The following MYO7A variants were observed in gnomAD, a reference collection of about 807,000 sequenced individuals.
The protein encoded by MYO7A is myosin VIIA.
A neutral mutation model predicts 263.8 loss-of-function variants in MYO7A; 210 were observed. That is an observed-to-expected ratio of 0.80 (90% CI 0.71 to 0.89). MYO7A has a LOEUF of 0.89. MYO7A is among the 40% of genes least tolerant of loss of function. MYO7A has a pLI of 0.00. For synonymous variants in MYO7A, 1,239 were observed against 1,197.3 expected, an observed-to-expected ratio of 1.03 and a Z score of -0.72; for missense variants, 2,820 against 2,968.3, an observed-to-expected ratio of 0.95 and a Z score of 1.16.
At chr11:77,157,755 G>A (rs1952632718) in intron 8 of MYO7A, among the ~76,000 whole-genome samples, 1 of 152,176 alleles carries the variant, frequency 6.6e-6, no homozygotes, top group Non-Finnish European at 1.5e-5. Flanking sequence ...TTGTAGGTGT[G>A]ACAGGTGTCC....
chr11:77,209,220 G>A (rs889451660), intron 44 of MYO7A: 1 of 177,366 alleles, frequency 5.6e-6, no homozygotes, highest in Non-Finnish European at 1.2e-5. Context: ...CTCTCATTCT[G>A]TCCTCCCAAC....
In MYO7A at chr11:77,138,448, G is replaced by C. The variant is rs1438097889; in HGVS notation, c.19-4261G>C. Reference sequence around the variant, plus strand: ...GCCCGGGCCAGGAGGGGAGAAGGGAGGGGGAGGGCGCCTCGCCCCGGGCCT... The same window carrying C: ...GCCCGGGCCAGGAGGGGAGAAGGGACGGGGAGGGCGCCTCGCCCCGGGCCT... On this transcript the variant is annotated intron_variant, in intron 2 of 48. Coordinates refer to ENST00000409709, the MANE Select transcript of MYO7A (RefSeq NM_000260.4). The surrounding 1 kb of genome is among the most constrained non-coding windows in gnomAD (Gnocchi z 4.9). Among the ~76,000 whole-genome samples, 7 of 152,208 alleles carry C rather than the reference G, an allele frequency of 4.6e-5. No individual in the cohort carries two copies. The highest frequency in any genetic ancestry group is 4.6e-4 in the Admixed American group (7 of 15,290).
intron 8 of MYO7A, 53 bp from the exon 9 acceptor site, chr11:77,158,224 C>CT: frequency 1.4e-5 from 21 of 1,511,350 alleles, no homozygotes; most frequent in Non-Finnish European, 1.8e-5. Context: ...CACTGCCCCT[C>CT]TGGGGGTACA....
intron 15 of MYO7A, among the ~76,000 whole-genome samples, chr11:77,170,911 A>T (rs1954028804): frequency 6.6e-6 from 1 of 152,210 alleles, no homozygotes; most frequent in Admixed American, 6.5e-5. Flanking sequence ...AGAGGCACTG[A>T]GGACAGTTGC....
At chr11:77,130,722 G>A (rs1033987411) in intron 2 of MYO7A, 70 bp downstream of exon 2, 82 of 1,544,630 alleles carry the variant, frequency 5.3e-5, no homozygotes, top group African/African-American at 8.2e-5. Context: ...ATGCTTACCC[G>A]TGGGACACCC....
rs946623749 is a variant in MYO7A, at chr11:77,181,898, C to T, written c.2905-53C>T. The T allele has an allele frequency of 3.1e-5, 49 of 1,570,726 alleles. No individual in the cohort carries two copies. In the African/African-American group the frequency reaches 5.8e-4, roughly 19 times the overall value. ...CTTCTGGGCTCAGGCGATCCTCCCA[C>T]CTGAGCTTCCTGAGTAGCTGGGACT... On this transcript the variant is annotated intron_variant, in intron 23 of 48. Coordinates refer to ENST00000409709, the MANE Select transcript of MYO7A (RefSeq NM_000260.4).
At chr11:77,167,405 G>T (rs1555073299) in intron 15 of MYO7A, among the ~76,000 whole-genome samples, 1 of 152,144 alleles carries the variant, frequency 6.6e-6, no homozygotes, top group Non-Finnish European at 1.5e-5. Flanking sequence ...GGAGGGACAG[G>T]TAGCATTTTC....
At chr11:77,171,304 G>T (rs1322662544) in intron 15 of MYO7A, among the ~76,000 whole-genome samples, 1 of 152,150 alleles carries the variant, frequency 6.6e-6, no homozygotes, top group Non-Finnish European at 1.5e-5. Flanking sequence ...CCTAATGCAG[G>T]CTGGGTACAG....
chr11:77,201,028 C>T (rs1170551052), intron 35 of MYO7A, among the ~76,000 whole-genome samples: 1 of 152,208 alleles, frequency 6.6e-6, no homozygotes, highest in Non-Finnish European at 1.5e-5. Context: ...AGGCCCCATG[C>T]CGACTGGGGT....
At chr11:77,162,638 G>A (rs943853790) in intron 13 of MYO7A, among the ~76,000 whole-genome samples, 4 of 152,164 alleles carry the variant, frequency 2.6e-5, no homozygotes, top group African/African-American at 4.8e-5. Flanking sequence ...TTGGGAAATC[G>A]ATTGTCTAAA....
At position 77,182,732 on chromosome 11, in the gene MYO7A, C is replaced by A. The variant is rs909074698; in HGVS notation, c.3285+132C>A. On this transcript the variant is annotated intron_variant, in intron 25 of 48. Transcript: ENST00000409709. ...TCTCTGCCTCACCGACCCCTGCCTG[C>A]CACCCTCCTTTGTCTACTTGTGGGA... is the stretch of plus-strand genomic sequence containing the variant. 3.8e-5 allele frequency: 37 copies of A among 973,844 alleles called. 1 individual carries two copies. The Admixed American group carries it at 9.2e-4, about 24-fold the overall frequency. The allele number at this position is 973,844 out of a possible 1,614,324, so 60.3% of individuals were successfully genotyped here. A position where few individuals can be genotyped will look rare whatever the true frequency, so the allele number is the denominator to read the frequency against.
At chr11:77,135,216 T>TC (rs1555047064) in intron 2 of MYO7A, among the ~76,000 whole-genome samples, 1 of 152,194 alleles carries the variant, frequency 6.6e-6, no homozygotes, top group Non-Finnish European at 1.5e-5. Context: ...AAACAATAAC[T>TC]CCCCATTCCC....
In MYO7A at chr11:77,166,172, G is replaced by A; in HGVS notation, c.1797+10G>A. ...GGCCGATGTCGCCATGGTAAGCCGG[G>A]TGCGGTTTCTGTTGTTCGGGAAGGG... On this transcript the variant is annotated intron_variant, in intron 15 of 48. Coordinates refer to ENST00000409709, the MANE Select transcript of MYO7A (RefSeq NM_000260.4). 6.2e-7 allele frequency: 1 copy of A among 1,613,014 alleles called. No individual in the cohort carries two copies. The highest frequency in any genetic ancestry group is 8.5e-7 in the Non-Finnish European group (1 of 1,179,216).
chr11:77,178,879 A>G (rs1954909524), intron 19 of MYO7A, among the ~76,000 whole-genome samples, 166 bp from the exon 20 acceptor site: 1 of 152,090 alleles, frequency 6.6e-6, no homozygotes, highest in Non-Finnish European at 1.5e-5. Flanking sequence ...TATTCTACAC[A>G]TTGTACGGAT....
chr11:77,161,156 A>G lies in MYO7A; in HGVS notation c.1343+41A>G, dbSNP rs782405812. 15 of 1,609,744 alleles carry G rather than the reference A, an allele frequency of 9.3e-6. No homozygotes were observed. The African/African-American group carries it at 1.7e-4, about 19-fold the overall frequency. ...CTGCTCATGGGAATTTCCTTCCCCA[A>G]TATGGAAATAAGAAATATCACGTCT... On this transcript the variant is annotated intron_variant, in intron 12 of 48. Transcript: ENST00000409709.
intron 11 of MYO7A, 82 bp from the exon 12 acceptor site, chr11:77,160,891 G>T: frequency 6.7e-7 from 1 of 1,499,278 alleles, no homozygotes; most frequent in South Asian, 1.2e-5. Flanking sequence ...GGGCTGGAGC[G>T]ACACCACGAA....
intron 16 of MYO7A, 34 bp downstream of exon 16, chr11:77,172,919 G>C: frequency 6.5e-7 from 1 of 1,533,790 alleles, no homozygotes. Context: ...GGCGGGTGGC[G>C]GCTAGGGTGA....
chr11:77,166,213 C>T lies in MYO7A; in HGVS notation c.1797+51C>T, dbSNP rs138268183. The T allele has an allele frequency of 8.8e-4, 1,322 of 1,502,604 alleles. 12 individuals carry two copies. The African/African-American group carries it at 0.016, about 19-fold the overall frequency. 93.1% of individuals were successfully genotyped at this position (1,502,604 alleles called of 1,614,324 possible). A position where few individuals can be genotyped will look rare whatever the true frequency, so the allele number is the denominator to read the frequency against. Reference sequence around the variant, plus strand: ...TCGGGAAGGGCCCCCACGGGCCAGGCCTGAGTCTAAGCCCTGCCCTTGTCC... The same window carrying T: ...TCGGGAAGGGCCCCCACGGGCCAGGTCTGAGTCTAAGCCCTGCCCTTGTCC... On this transcript the variant is annotated intron_variant, in intron 15 of 48. Transcript: ENST00000409709.
At chr11:77,160,075 G>A (rs1555067320) in intron 10 of MYO7A, 88 bp from the exon 11 acceptor site, 12 of 1,498,374 alleles carry the variant, frequency 8.0e-6, no homozygotes, top group Non-Finnish European at 9.8e-6. Context: ...GTCTGGGCCA[G>A]GCCAGTGCCG....
Sources: allele counts gnomAD v4.1 joint callset (sites outside exome capture counted in the v4.1 genomes callset), GRCh38; gene constraint gnomAD v4.1.1; non-coding constraint Gnocchi (gnomAD v3.1); transcripts MANE v1.5; gene names NCBI Gene and HGNC (gene_info 2026-07-23, HGNC 2026-07-21).